PTPRR: variants seen among roughly 807,000 people sequenced by gnomAD.
The protein encoded by PTPRR is receptor-type tyrosine-protein phosphatase R.
A neutral mutation model predicts 77.2 loss-of-function variants in PTPRR; 38 were observed. The observed-to-expected ratio is 0.49, with a 90% confidence interval of 0.38 to 0.65. PTPRR has a LOEUF of 0.65. Among genes scored for constraint, PTPRR ranks in the 30% least tolerant of loss-of-function variants. PTPRR has a pLI of 0.00. For missense variants in PTPRR, 744 were observed against 799.2 expected, an observed-to-expected ratio of 0.93 and a Z score of 0.83; for synonymous variants, 299 against 283.1, an observed-to-expected ratio of 1.06 and a Z score of -0.57.
At chr12:70,656,978 T>A (rs1291440112) in intron 12 of PTPRR, among the ~76,000 whole-genome samples, 161 bp from the exon 13 acceptor site, 1 of 151,200 alleles carries the variant, frequency 6.6e-6, no homozygotes, top group East Asian at 1.9e-4. Context: ...TAAAATATAT[T>A]TTTACATTTA....
At chr12:70,806,074 T>C (rs1891704735) in intron 2 of PTPRR, among the ~76,000 whole-genome samples, 1 of 152,218 alleles carries the variant, frequency 6.6e-6, no homozygotes, top group Non-Finnish European at 1.5e-5. Flanking sequence ...CTGGTAGATT[T>C]CTTACCCTCA....
chr12:70,868,919 C>T (rs1482114221), intron 2 of PTPRR, among the ~76,000 whole-genome samples: 1 of 150,780 alleles, frequency 6.6e-6, no homozygotes. Context: ...TCATTCTCAG[C>T]AAACTATCAC....
rs369198356 is a variant in PTPRR at position 70,915,007 on chromosome 12, G to A, written c.58+5326C>T. Among the ~76,000 whole-genome samples, 11 of 152,238 alleles carry A rather than the reference G, an allele frequency of 7.2e-5. 1 individual carries two copies. Among genetic ancestry groups the A allele is most frequent in the Middle Eastern group, 6.8e-3 (2 of 294 alleles). On this transcript the variant is annotated intron_variant, in intron 1 of 13. Transcript: ENST00000283228. ...TAATTATCCAGGGAGATTGTATACA[G>A]AGAAAAATAACAAAAAATCAATGAC...
At chr12:70,746,454 G>A (rs1890217815) in intron 5 of PTPRR, among the ~76,000 whole-genome samples, 2 of 152,164 alleles carry the variant, frequency 1.3e-5, no homozygotes, top group Non-Finnish European at 2.9e-5. Flanking sequence ...GACATTTATA[G>A]AAATGGAGAT....
intron 6 of PTPRR, among the ~76,000 whole-genome samples, chr12:70,733,424 C>CAAA (rs1297861952): frequency 5.8e-5 from 1 of 17,288 alleles, no homozygotes; most frequent in African/African-American, 4.0e-4. Context: ...AAACAAACAA[C>CAAA]AACAAAAAAA....
chr12:70,825,003 G>C (rs1326055183), intron 2 of PTPRR, among the ~76,000 whole-genome samples: 1 of 152,196 alleles, frequency 6.6e-6, no homozygotes, highest in Non-Finnish European at 1.5e-5. Context: ...TCTTAAGTTA[G>C]GCTGGGCGCG....
chr12:70,639,499 G>T, intron 13 of PTPRR: 1 of 1,280,214 alleles, frequency 7.8e-7, no homozygotes. Flanking sequence ...GCACACACTA[G>T]GCACGTGATT....
intron 13 of PTPRR, among the ~76,000 whole-genome samples, chr12:70,649,738 C>T (rs1384546651): frequency 6.6e-6 from 1 of 152,098 alleles, no homozygotes; most frequent in African/African-American, 2.4e-5. Context: ...CCATGCCTGG[C>T]TAATTTTTGT....
At position 70,920,354 on chromosome 12, in the gene PTPRR, G is replaced by A; in HGVS notation, c.37C>T (p.Leu13Phe). ...RAVCFPALCLLLNLHAAGCFS... is the reference protein window; with the variant it reads ...RAVCFPALCLFLNLHAAGCFS... Reference sequence around the variant, plus strand: ...TTACCTGCAGCGTGAAGATTAAGGAGCAGGCACAGCGCAGGGAAGCAGACT... The same window carrying A: ...TTACCTGCAGCGTGAAGATTAAGGAACAGGCACAGCGCAGGGAAGCAGACT... The change falls in exon 1 of 14, where the codon CTC becomes TTC. Residue 13 changes from leucine to phenylalanine, a missense_variant. Transcript: ENST00000283228. 6.2e-7 allele frequency: 1 copy of A among 1,613,912 alleles called. No individual in the cohort carries two copies. Among genetic ancestry groups the A allele is most frequent in the Non-Finnish European group, 8.5e-7 (1 of 1,179,928 alleles).
chr12:70,660,696 TA>T (rs1384578992), intron 12 of PTPRR, among the ~76,000 whole-genome samples: 126 of 152,340 alleles, frequency 8.3e-4, no homozygotes, highest in African/African-American at 2.9e-3. Flanking sequence ...CTGAGCCATT[TA>T]TTACGAACTT....
intron 6 of PTPRR, among the ~76,000 whole-genome samples, chr12:70,712,288 A>G (rs989705952): frequency 3.3e-5 from 5 of 152,240 alleles, no homozygotes; most frequent in African/African-American, 1.2e-4. Flanking sequence ...GATTCTTGCC[A>G]GTATAAATAC....
intron 10 of PTPRR, among the ~76,000 whole-genome samples, chr12:70,668,994 A>G (rs1342488115): frequency 6.6e-6 from 1 of 152,228 alleles, no homozygotes; most frequent in Non-Finnish European, 1.5e-5. Flanking sequence ...AAACAATTTA[A>G]GTACCTATCA....
At chr12:70,878,285 A>G (rs1219073873) in intron 2 of PTPRR, among the ~76,000 whole-genome samples, 2 of 152,230 alleles carry the variant, frequency 1.3e-5, no homozygotes, top group African/African-American at 4.8e-5. Context: ...CTGCACAGCA[A>G]AAGAAACTAC....
intron 8 of PTPRR, among the ~76,000 whole-genome samples, 159 bp downstream of exon 8, chr12:70,698,106 T>C (rs576983709): frequency 6.6e-6 from 1 of 152,246 alleles, no homozygotes; most frequent in East Asian, 1.9e-4. Context: ...CTGGGATACA[T>C]GTGCAGAATG....
intron 6 of PTPRR, among the ~76,000 whole-genome samples, chr12:70,724,883 A>G (rs1889381833): frequency 6.6e-6 from 1 of 152,168 alleles, no homozygotes; most frequent in African/African-American, 2.4e-5. Flanking sequence ...ACTGGCTAGG[A>G]AATAATCTTT....
chr12:70,787,785 G>A (rs1469075386), intron 2 of PTPRR, among the ~76,000 whole-genome samples: 1 of 152,078 alleles, frequency 6.6e-6, no homozygotes, highest in Non-Finnish European at 1.5e-5. Context: ...CTTGATGACT[G>A]TTTTCTGCAA....
At chr12:70,901,194 G>A (rs1219804571) in intron 1 of PTPRR, among the ~76,000 whole-genome samples, 1 of 151,402 alleles carries the variant, frequency 6.6e-6, no homozygotes, top group African/African-American at 2.4e-5. Context: ...AAATGGTATG[G>A]CAGTTCCTCA....
At chr12:70,906,736 G>A (rs775093377) in intron 1 of PTPRR, among the ~76,000 whole-genome samples, 12 of 151,792 alleles carry the variant, frequency 7.9e-5, no homozygotes, top group Non-Finnish European at 1.3e-4. Context: ...GTTTTGTTTT[G>A]TATCCTGACA....
At chr12:70,859,415 G>A (rs902398466) in intron 2 of PTPRR, among the ~76,000 whole-genome samples, 2 of 152,032 alleles carry the variant, frequency 1.3e-5, no homozygotes, top group African/African-American at 4.8e-5. Context: ...AGTCCAAAGA[G>A]AAGTTGTTTG....
Sources: allele counts gnomAD v4.1 joint callset (sites outside exome capture counted in the v4.1 genomes callset), GRCh38; gene constraint gnomAD v4.1.1; transcripts MANE v1.5; gene names NCBI Gene and HGNC (gene_info 2026-07-23, HGNC 2026-07-21).